Variants in C17orf99 observed in about 807,000 individuals in gnomAD.
C17orf99 encodes chromosome 17 open reading frame 99, also known as protein IL-40.
C17orf99 carries 18 observed loss-of-function variants against 22.6 expected under a neutral mutation model. That is an observed-to-expected ratio of 0.80 (90% CI 0.55 to 1.18). The LOEUF is 1.18. Among genes scored for constraint, C17orf99 ranks in the 50% most tolerant of loss-of-function variants. The pLI, the probability that C17orf99 is intolerant of heterozygous loss-of-function variation, is 0.00. For synonymous variants in C17orf99, 147 were observed against 136.6 expected, an observed-to-expected ratio of 1.08 and a Z score of -0.53; for missense variants, 328 against 342.7, an observed-to-expected ratio of 0.96 and a Z score of 0.34.
chr17:78,165,105 C>T, intron 4 of C17orf99: 1 of 1,048,608 alleles, frequency 9.5e-7, no homozygotes, highest in Non-Finnish European at 1.1e-6. Flanking sequence ...GTCCCCTCTC[C>T]AAGGCCATGG....
chr17:78,160,547 A>AG (rs1555598429), intron 2 of C17orf99, among the ~76,000 whole-genome samples: 13,764 of 143,234 alleles, frequency 0.096, 944 homozygotes, highest in African/African-American at 0.18. Context: ...AAAAAAAAAA[A>AG]AGAGAGAGAG....
chr17:78,157,798 GAAAAAAAAAAA>G (rs60891763), intron 2 of C17orf99: 13 of 383,118 alleles, frequency 3.4e-5, no homozygotes, highest in East Asian at 1.4e-4. Flanking sequence ...CTCTGTCTCG[GAAAAAAAAAAA>G]AAAAAAAAAA....
intron 2 of C17orf99, chr17:78,157,979 A>G (rs2075541771): frequency 3.9e-6 from 5 of 1,267,982 alleles, no homozygotes; most frequent in Non-Finnish European, 4.5e-6. Flanking sequence ...AACTCATAAC[A>G]TGGATGTCCC....
chr17:78,153,035 C>T (rs912997636), intron 2 of C17orf99, among the ~76,000 whole-genome samples: 15 of 151,578 alleles, frequency 9.9e-5, no homozygotes, highest in Non-Finnish European at 1.6e-4. Context: ...GAATTGAGAT[C>T]GTGCCGCTGC....
intron 3 of C17orf99, among the ~76,000 whole-genome samples, chr17:78,162,275 A>G (rs1283086219): frequency 5.1e-5 from 5 of 97,282 alleles, no homozygotes; most frequent in Non-Finnish European, 1.1e-4. Context: ...GACTATCTCA[A>G]AAAAAAAAAA....
chr17:78,145,792 C>CTTTT (rs5822229), upstream of C17orf99, among the ~76,000 whole-genome samples: 3 of 128,884 alleles, frequency 2.3e-5, no homozygotes, highest in Non-Finnish European at 4.8e-5. Flanking sequence ...GCGTGGACAT[C>CTTTT]TTTTTTTTTT....
At position 78,161,086 on chromosome 17, in the gene C17orf99, A is replaced by G. The variant is rs1363908175; in HGVS notation, c.202A>G (p.Ile68Val). 3 of 1,551,606 alleles carry G rather than the reference A, an allele frequency of 1.9e-6. No individual in the cohort carries two copies. The highest frequency in any genetic ancestry group is 2.6e-6 in the Non-Finnish European group (3 of 1,147,006). Residue 68 changes from isoleucine (I) to valine (V), a missense_variant, in exon 3 of 5, where the codon ATC becomes GTC. Transcript: ENST00000340363. ...CTATTCCCTCTGTGGAACCAAGAAC[A>G]TCAAGGTGGCCAAGAAGGTGGTGAA... ...ITYSLCGTKN[I>V]KVAKKVVKTH...
At position 78,162,261 on chromosome 17, in the gene C17orf99, G is replaced by A. The variant is rs186895032; in HGVS notation, c.370+1007G>A. Among the ~76,000 whole-genome samples the A allele has an allele frequency of 2.7e-3, 365 of 137,354 alleles. 6 individuals carry two copies. Among genetic ancestry groups the A allele is most frequent in the Admixed American group, 0.025 (315 of 12,770 alleles). The allele number at this position is 137,354 out of a possible 152,430, so 90.1% of individuals were successfully genotyped here. ...GCTGCATGCCAGCCTGGGTGACAGC[G>A]TAAGACTATCTCAAAAAAAAAAAAA... On this transcript the variant is annotated intron_variant, in intron 3 of 4. Coordinates refer to ENST00000340363, the MANE Select transcript of C17orf99 (RefSeq NM_001163075.2).
intron 2 of C17orf99, among the ~76,000 whole-genome samples, chr17:78,147,654 T>G (rs1487862644): frequency 1.3e-5 from 2 of 152,202 alleles, no homozygotes; most frequent in East Asian, 1.9e-4. Flanking sequence ...CCCTTGCCCC[T>G]TGTTGCTAGG....
chr17:78,147,322 G>A, intron 2 of C17orf99, among the ~76,000 whole-genome samples: 1 of 152,218 alleles, frequency 6.6e-6, no homozygotes, highest in Non-Finnish European at 1.5e-5. Flanking sequence ...GGTGGGGCCT[G>A]GGAGGTTGGG....
In C17orf99 at chr17:78,165,986, G is replaced by A; in HGVS notation, c.738G>A (p.Glu246=). 6.7e-7 allele frequency: 1 copy of A among 1,499,862 alleles called. No homozygotes were observed. Among genetic ancestry groups the A allele is most frequent in the Non-Finnish European group, 9.0e-7 (1 of 1,115,232 alleles). 92.9% of individuals were successfully genotyped at this position (1,499,862 alleles called of 1,614,324 possible). A position where few individuals can be genotyped will look rare whatever the true frequency, so the allele number is the denominator to read the frequency against. Residue 246 remains glutamate (E), a synonymous_variant, in exon 5 of 5, where the codon GAG becomes GAA. Transcript: ENST00000340363. The stretch of plus-strand genomic sequence containing the variant: ...GCACCCGCCGTCTGAGTGAAGAGGA[G>A]TTTGGGGGGTTCAGGATAGGGAATG... ...YRSTRRLSEE[E]FGGFRIGNGE... is the part of the protein sequence containing the mutation.
chr17:78,158,091 A>C, intron 2 of C17orf99: 1 of 982,958 alleles, frequency 1.0e-6, no homozygotes, highest in Non-Finnish European at 1.6e-6. Context: ...CGTCTGCATG[A>C]GGGAGACCTT....
chr17:78,160,327 G>T (rs56129114), intron 2 of C17orf99, among the ~76,000 whole-genome samples: 5,964 of 152,102 alleles, frequency 0.039, 383 homozygotes, highest in African/African-American at 0.14. Flanking sequence ...CACGAGGTCA[G>T]GAGTTTGAGA....
intron 2 of C17orf99, among the ~76,000 whole-genome samples, chr17:78,149,603 C>T (rs1248353650): frequency 3.3e-5 from 5 of 152,134 alleles, no homozygotes; most frequent in Admixed American, 6.6e-5. Flanking sequence ...GCACAATCAC[C>T]GCTCACTGCA....
chr17:78,163,958 A>T lies in C17orf99; in HGVS notation c.371-137A>T, dbSNP rs140078571. ...CAGCCCAGACACAAGGTGGAGGGCA[A>T]ACTCTAGAAGGCGGCCTGGAGGAGG... On this transcript the variant is annotated intron_variant, in intron 3 of 4. Coordinates refer to ENST00000340363, the MANE Select transcript of C17orf99 (RefSeq NM_001163075.2). 8.2e-6 allele frequency: 6 copies of T among 733,568 alleles called. No homozygotes were observed. In the East Asian group the frequency reaches 1.3e-4, roughly 16 times the overall value. The allele number at this position is 733,568 out of a possible 1,614,324, so 45.4% of individuals were successfully genotyped here.
chr17:78,164,290 C>T lies in C17orf99; in HGVS notation c.566C>T (p.Thr189Ile). 1 of 1,551,600 alleles carries T rather than the reference C, an allele frequency of 6.4e-7. No individual in the cohort carries two copies. Among genetic ancestry groups the T allele is most frequent in the African/African-American group, 1.4e-5 (1 of 73,192 alleles). ...PANFSFLPSQ[T>I]SDWFWCQAAN... is the part of the protein sequence containing the mutation. ...AACTTCTCCTTCCTGCCGAGCCAGA[C>T]ATCGGACTGGTTCTGGTGCCAGGCT... The change falls in exon 4 of 5, where the codon ACA (threonine) becomes ATA (isoleucine). Residue 189 changes from threonine to isoleucine, a missense_variant. Thr to Ile is a moderately conservative substitution (Grantham distance 89). Transcript: ENST00000340363.
chr17:78,156,616 A>T (rs2075527274), intron 2 of C17orf99, among the ~76,000 whole-genome samples: 1 of 151,918 alleles, frequency 6.6e-6, no homozygotes, highest in African/African-American at 2.4e-5. Context: ...CTTTTAATTA[A>T]TTAATTTTTT....
chr17:78,159,799 T>C (rs191233516), intron 2 of C17orf99, among the ~76,000 whole-genome samples: 4 of 152,264 alleles, frequency 2.6e-5, no homozygotes, highest in African/African-American at 9.6e-5. Flanking sequence ...TTCTGAACTT[T>C]GCACACACAT....
chr17:78,160,690 T>C, intron 2 of C17orf99: 1 of 470,902 alleles, frequency 2.1e-6, no homozygotes, highest in East Asian at 3.9e-5. Context: ...TTCAAGAGAT[T>C]CTCCTGCCTT....
Sources: allele counts gnomAD v4.1 joint callset (sites outside exome capture counted in the v4.1 genomes callset), GRCh38; gene constraint gnomAD v4.1.1; transcripts MANE v1.5; gene names NCBI Gene and HGNC (gene_info 2026-07-23, HGNC 2026-07-21).